ZNF692: variants seen among roughly 807,000 people sequenced by gnomAD.
ZNF692 encodes zinc finger protein 692.
ZNF692 carries 41 observed loss-of-function variants against 49.0 expected under a neutral mutation model. That is an observed-to-expected ratio of 0.84 (90% CI 0.65 to 1.08). The LOEUF is 1.08. Among genes scored for constraint, ZNF692 ranks in the 50% least tolerant of loss-of-function variants. The pLI is 0.00. For missense variants in ZNF692, 662 were observed against 662.2 expected (o/e 1.00, Z 0.00); for synonymous variants, 288 against 251.5 (o/e 1.15, Z -1.37).
At position 248,858,860 on chromosome 1, in the gene ZNF692, T is replaced by C. The variant is rs1286044584; in HGVS notation, c.-13+58A>G. 7.1e-6 allele frequency: 3 copies of C among 419,864 alleles called. No individual in the cohort carries two copies. The Middle Eastern group carries it at 2.0e-3, about 279-fold the overall frequency. The allele number at this position is 419,864 out of a possible 1,614,324, so 26.0% of individuals were successfully genotyped here. A position where few individuals can be genotyped will look rare whatever the true frequency, so the allele number is the denominator to read the frequency against. ...AGTGAGTGGAGCGGACTAATCCCAA[T>C]GGCAGTTCCCAGGCTGCCCAGAGCC... is the stretch of plus-strand genomic sequence containing the variant. On this transcript the variant is annotated intron_variant, in intron 1 of 11. Coordinates refer to ENST00000306601, the MANE Select transcript of ZNF692 (RefSeq NM_017865.4). The surrounding 1 kb of genome is among the most constrained non-coding windows in gnomAD (Gnocchi z 4.3).
At chr1:248,850,587 T>G in intron 11 of ZNF692, 71 bp from the exon 12 acceptor site, 4 of 1,592,982 alleles carry the variant, frequency 2.5e-6, no homozygotes, top group South Asian at 1.1e-5. Flanking sequence ...GGGTTCCTCC[T>G]GCTCCCCACT....
At chr1:248,852,658 C>T (rs186257233) in intron 10 of ZNF692, among the ~76,000 whole-genome samples, 67 of 152,342 alleles carry the variant, frequency 4.4e-4, no homozygotes, top group African/African-American at 1.5e-3. Flanking sequence ...TCAGTTCCAT[C>T]TTGTCATCTG....
intron 6 of ZNF692, 154 bp downstream of exon 6, chr1:248,856,134 C>T: frequency 2.2e-6 from 3 of 1,336,998 alleles, no homozygotes; most frequent in Non-Finnish European, 3.0e-6. Flanking sequence ...TTTTCACCCC[C>T]TCAGTTCAAA....
At chr1:248,850,924 G>A (rs1332243321) in intron 10 of ZNF692, 143 bp from the exon 11 acceptor site, 1 of 781,502 alleles carries the variant, frequency 1.3e-6, no homozygotes, top group Non-Finnish European at 2.2e-6. Flanking sequence ...TCCAAATCAT[G>A]GAGCCCGTCT....
At chr1:248,855,312 C>T in intron 9 of ZNF692, 68 bp downstream of exon 9, 1 of 1,501,118 alleles carries the variant, frequency 6.7e-7, no homozygotes, top group Non-Finnish European at 9.3e-7. Context: ...AGATCCTTTT[C>T]CTCAGTTTTT....
chr1:248,856,133 CCT>C, intron 6 of ZNF692, 153 bp downstream of exon 6: 3 of 1,328,828 alleles, frequency 2.3e-6, no homozygotes, highest in Non-Finnish European at 3.0e-6. Flanking sequence ...CTTTTCACCC[CCT>C]CAGTTCAAAG....
intron 3 of ZNF692, 78 bp from the exon 4 acceptor site, chr1:248,857,575 C>T: frequency 6.5e-7 from 1 of 1,534,434 alleles, no homozygotes; most frequent in South Asian, 1.3e-5. Flanking sequence ...CCCAGGGAGC[C>T]CTGTTCCCTC....
In ZNF692 at chr1:248,855,624, T is replaced by C. The variant is rs1478711627; in HGVS notation, c.893A>G (p.Gln298Arg). The change falls in exon 8 of 12, where the codon CAG becomes CGG. Residue 298 changes from glutamine (Q) to arginine (R), a missense_variant. Physicochemically the swap from Gln to Arg is conservative, Grantham distance 43. Transcript: ENST00000306601. ...QTEALASTGSQAQSAPTPAWD... is the reference protein window; with the variant it reads ...QTEALASTGSRAQSAPTPAWD... ...GGCCGGGGTTGGAGCAGACTGGGCC[T>C]GACTCCCAGTGCTACGGGCAGCAAA... 1 of 1,614,204 alleles carries C rather than the reference T, an allele frequency of 6.2e-7. No homozygotes were observed. Among genetic ancestry groups the C allele is most frequent in the South Asian group, 1.1e-5 (1 of 91,082 alleles).
At chr1:248,850,913 A>C in intron 10 of ZNF692, 132 bp from the exon 11 acceptor site, 1 of 815,252 alleles carries the variant, frequency 1.2e-6, no homozygotes, top group Non-Finnish European at 2.1e-6. Flanking sequence ...ATTAGTTGTT[A>C]TCCAAATCAT....
chr1:248,851,268 T>G (rs145392728), intron 10 of ZNF692, among the ~76,000 whole-genome samples: 1 of 152,190 alleles, frequency 6.6e-6, no homozygotes, highest in Non-Finnish European at 1.5e-5. Context: ...GGCTTGCATA[T>G]CCCACCTGTC....
At position 248,850,082 on chromosome 1, in the gene ZNF692, C is replaced by G; in HGVS notation, c.*128G>C. Reference sequence around the variant, plus strand: ...GCTCCCCTACAGCCCAGTCTTGCCCCCACCCTGCACTCTGTCGCCTTAGTT... The same window carrying G: ...GCTCCCCTACAGCCCAGTCTTGCCCGCACCCTGCACTCTGTCGCCTTAGTT... On this transcript the variant is annotated 3_prime_UTR_variant, in exon 12 of 12. Transcript: ENST00000306601. The G allele has an allele frequency of 9.4e-7, 1 of 1,068,340 alleles. No homozygotes were observed. 66.2% of individuals were successfully genotyped at this position (1,068,340 alleles called of 1,614,324 possible). A position where few individuals can be genotyped will look rare whatever the true frequency, so the allele number is the denominator to read the frequency against.
At chr1:248,856,149 C>G in intron 6 of ZNF692, 139 bp downstream of exon 6, 5 of 1,412,080 alleles carry the variant, frequency 3.5e-6, no homozygotes, top group Non-Finnish European at 4.8e-6. Flanking sequence ...TTCAAAGCCT[C>G]TAGTTCTTTT....
chr1:248,858,243 G>C lies in ZNF692; in HGVS notation c.67C>G (p.Arg23Gly), dbSNP rs199731891. 8.3e-4 allele frequency: 1,320 copies of C among 1,586,040 alleles called. 1 individual carries two copies. Among genetic ancestry groups the C allele is most frequent in the Non-Finnish European group, 1.0e-3 (1,164 of 1,166,338 alleles). ...AGGCGGATGCGGCACTTGCTGCGGCGCGCGTCCAGCTGCCGCCGCTTCTCC... is the reference window on the plus strand; with the variant it reads ...AGGCGGATGCGGCACTTGCTGCGGCCCGCGTCCAGCTGCCGCCGCTTCTCC... ...RREKRRQLDA[R>G]RSKCRIRLGG... The change falls in exon 2 of 12, where the codon CGC (arginine) becomes GGC (glycine). Residue 23 changes from arginine (R) to glycine (G), a missense_variant. Coordinates refer to ENST00000306601, the MANE Select transcript of ZNF692 (RefSeq NM_017865.4). This position sits in a 1 kb window ranked among gnomAD's most constrained non-coding sequence, Gnocchi z 4.3.
chr1:248,857,685 C>T, intron 3 of ZNF692, 143 bp downstream of exon 3: 1 of 1,475,584 alleles, frequency 6.8e-7, no homozygotes, highest in South Asian at 1.4e-5. Flanking sequence ...CCAGAGGTTG[C>T]CTCCATCAAA....
Position 248,856,622 on chromosome 1 carries a change from A to G in ZNF692, c.476-60T>C, listed in dbSNP as rs756731410. The G allele has an allele frequency of 1.9e-5, 30 of 1,606,436 alleles. 1 individual carries two copies. Among genetic ancestry groups the G allele is most frequent in the Admixed American group, 1.0e-4 (6 of 59,936 alleles). On this transcript the variant is annotated intron_variant, in intron 4 of 11. Coordinates refer to ENST00000306601, the MANE Select transcript of ZNF692 (RefSeq NM_017865.4). ...CTGGACTCAAGGGATGAGGACACAT[A>G]AAGTTCTAAGGTCTGAAGTGATGGG...
In ZNF692 at chr1:248,858,800, C is replaced by A. The variant is rs1374726924; in HGVS notation, c.-13+118G>T. Reference sequence around the variant, plus strand: ...CAGAGGTCTGGAGGGCGCCCCCCATCCACCCCGTCTTGGGCACCCCCACTT... The same window carrying A: ...CAGAGGTCTGGAGGGCGCCCCCCATACACCCCGTCTTGGGCACCCCCACTT... On this transcript the variant is annotated intron_variant, in intron 1 of 11. Coordinates refer to ENST00000306601, the MANE Select transcript of ZNF692 (RefSeq NM_017865.4). This position sits in a 1 kb window ranked among gnomAD's most constrained non-coding sequence, Gnocchi z 4.3. 2 of 582,668 alleles carry A rather than the reference C, an allele frequency of 3.4e-6. No individual in the cohort carries two copies. Among genetic ancestry groups the A allele is most frequent in the Non-Finnish European group, 6.1e-6 (2 of 325,244 alleles). 36.1% of individuals were successfully genotyped at this position (582,668 alleles called of 1,614,324 possible). A position where few individuals can be genotyped will look rare whatever the true frequency, so the allele number is the denominator to read the frequency against.
In ZNF692 at chr1:248,855,894, T is replaced by C; in HGVS notation, c.712A>G (p.Lys238Glu). Residue 238 changes from lysine to glutamate, a missense_variant, in exon 7 of 12, where the codon AAA becomes GAA. Physicochemically the swap from Lys to Glu is moderately conservative, Grantham distance 56 (BLOSUM62 1). Coordinates refer to ENST00000306601, the MANE Select transcript of ZNF692 (RefSeq NM_017865.4). ...LLPSPVTCTPKEGETPPAPAA... is the reference protein window; with the variant it reads ...LLPSPVTCTPEEGETPPAPAA... ...GGGGCTGGTGGTGTCTCCCCCTCTT[T>C]AGGTGTGCAGGTGACAGGGGAAGGC... 1 of 1,614,102 alleles carries C rather than the reference T, an allele frequency of 6.2e-7. No individual in the cohort carries two copies.
In ZNF692 at chr1:248,858,202, C is replaced by G. The variant is rs1335220008; in HGVS notation, c.108G>C (p.Glu36Asp). Residue 36 changes from glutamate (E) to aspartate (D), a missense_variant, in exon 2 of 12, where the codon GAG becomes GAC. Glu to Asp is a conservative substitution (Grantham distance 45). Transcript: ENST00000306601. The surrounding 1 kb of genome is among the most constrained non-coding windows in gnomAD (Gnocchi z 4.3). The stretch of plus-strand genomic sequence containing the variant: ...GCCGCTCCTTGAGGAGGCACCACTG[C>G]TCCATGTGGCCGCCCAGGCGGATGC... ...KCRIRLGGHM[E>D]QWCLLKERLG... 1 of 1,592,360 alleles carries G rather than the reference C, an allele frequency of 6.3e-7. No homozygotes were observed. Among genetic ancestry groups the G allele is most frequent in the Non-Finnish European group, 8.5e-7 (1 of 1,171,350 alleles).
At chr1:248,853,426 A>G (rs1262068116) in intron 10 of ZNF692, among the ~76,000 whole-genome samples, 2 of 152,196 alleles carry the variant, frequency 1.3e-5, no homozygotes, top group Admixed American at 1.3e-4. Flanking sequence ...AGAGGCCTCC[A>G]TCAACTATGT....
Sources: allele counts gnomAD v4.1 joint callset (sites outside exome capture counted in the v4.1 genomes callset), GRCh38; gene constraint gnomAD v4.1.1; non-coding constraint Gnocchi (gnomAD v3.1); transcripts MANE v1.5; gene names NCBI Gene and HGNC (gene_info 2026-07-23, HGNC 2026-07-21).